Variants in FANCM observed in about 807,000 individuals in gnomAD.
FANCM encodes the protein Fanconi anemia group M protein.
Under a neutral mutation model 199.5 loss-of-function variants are expected in FANCM, and 140 were observed. That is an observed-to-expected ratio of 0.70 (90% CI 0.61 to 0.81). The LOEUF (loss-of-function observed/expected upper bound fraction) is 0.81, where lower values mean the gene tolerates loss of function less well. FANCM is among the 30% of genes least tolerant of loss of function. The pLI is 0.00. For synonymous variants in FANCM, 840 were observed against 836.8 expected, an observed-to-expected ratio of 1.00 and a Z score of -0.07; for missense variants, 2,410 against 2,421.4, an observed-to-expected ratio of 1.00 and a Z score of 0.10.
At chr14:45,195,585 G>C (rs907191142) in intron 20 of FANCM, 5 of 455,904 alleles carry the variant, frequency 1.1e-5, no homozygotes, top group Non-Finnish European at 2.2e-5. Context: ...AGGAAAGCTG[G>C]GTATGTTCTG....
In FANCM at chr14:45,137,212, A is replaced by G. The variant is rs1203588583; in HGVS notation, c.652A>G (p.Lys218Glu). ...GTGTTTAGTTATTGATGAAGCTCAT[A>G]AAGCTCTCGGAAACTATGCTTATTG... ...IKCLVIDEAH[K>E]ALGNYAYCQV... The change falls in exon 2 of 23, where the codon AAA becomes GAA. Residue 218 changes from lysine to glutamate, a missense_variant. Transcript: ENST00000267430. 3.7e-6 allele frequency: 6 copies of G among 1,613,154 alleles called. No individual in the cohort carries two copies. The African/African-American group carries it at 6.7e-5, about 18-fold the overall frequency.
intron 1 of FANCM, among the ~76,000 whole-genome samples, 158 bp downstream of exon 1, chr14:45,136,697 A>G (rs545276101): frequency 8.5e-5 from 13 of 152,316 alleles, no homozygotes; most frequent in Admixed American, 2.6e-4. Flanking sequence ...GCTTTATTCA[A>G]TCTTCAGAGA....
intron 7 of FANCM, 27 bp downstream of exon 7, chr14:45,154,849 ATTGTG>A (rs1887069853): frequency 1.3e-6 from 2 of 1,594,870 alleles, no homozygotes; most frequent in Admixed American, 1.7e-5. Context: ...AAAATTATGT[ATTGTG>A]TTGTGTTTCT....
chr14:45,141,309 GAAAGCAA>G (rs1463054615), intron 3 of FANCM, among the ~76,000 whole-genome samples: 6 of 135,504 alleles, frequency 4.4e-5, no homozygotes, highest in African/African-American at 1.1e-4. Context: ...AAAAAAAAAA[GAAAGCAA>G]AAAACAAAAA....
intron 14 of FANCM, among the ~76,000 whole-genome samples, chr14:45,180,556 C>G (rs1889003595): frequency 6.6e-6 from 1 of 152,038 alleles, no homozygotes; most frequent in Admixed American, 6.6e-5. Context: ...AAGCAATCCT[C>G]CTGCCTCAGC....
intron 3 of FANCM, among the ~76,000 whole-genome samples, chr14:45,147,264 C>G (rs146854838): frequency 9.9e-5 from 15 of 152,192 alleles, no homozygotes; most frequent in Admixed American, 3.3e-4. Flanking sequence ...CCCCGCCCCC[C>G]CCAAAACCAA....
rs1280753248 is a variant in FANCM, at chr14:45,196,415, G to A, written c.5584G>A (p.Val1862Met). The A allele has an allele frequency of 2.5e-6, 4 of 1,614,154 alleles. No homozygotes were observed. Among genetic ancestry groups the A allele is most frequent in the East Asian group, 2.2e-5 (1 of 44,870 alleles). ...GCDYIVSNRM[V>M]VERRSQSEML... is the part of the protein sequence containing the mutation. ...TGATTACATCGTGAGTAATCGCATGGTGGTGGAAAGGAGGTCTCAATCTGA... is the reference window on the plus strand; with the variant it reads ...TGATTACATCGTGAGTAATCGCATGATGGTGGAAAGGAGGTCTCAATCTGA... The change falls in exon 21 of 23, where the codon GTG becomes ATG. Residue 1862 changes from valine (V) to methionine (M), a missense_variant. Physicochemically the swap from Val to Met is conservative, Grantham distance 21. Coordinates refer to ENST00000267430, the MANE Select transcript of FANCM (RefSeq NM_020937.4).
In FANCM at chr14:45,151,446, G is replaced by T; in HGVS notation, c.968G>T (p.Arg323Ile). 6.2e-7 allele frequency: 1 copy of T among 1,613,048 alleles called. No individual in the cohort carries two copies. The highest frequency in any genetic ancestry group is 8.5e-7 in the Non-Finnish European group (1 of 1,179,096). The change falls in exon 5 of 23, where the codon AGA (arginine) becomes ATA (isoleucine). Residue 323 changes from arginine (R) to isoleucine (I), a missense_variant. Physicochemically the swap from Arg to Ile is moderately conservative, Grantham distance 97. Coordinates refer to ENST00000267430, the MANE Select transcript of FANCM (RefSeq NM_020937.4). ...TTGATTCAGAGGAATGTTTTGATGA[G>T]AAGGGATATCCCAAATCTAACAAAA... ...RSLIQRNVLM[R>I]RDIPNLTKYQ...
rs768041388 is a variant in FANCM at position 45,154,699 on chromosome 14, A to C, written c.1186A>C (p.Met396Leu). 6.3e-7 allele frequency: 1 copy of C among 1,586,792 alleles called. No homozygotes were observed. Among genetic ancestry groups the C allele is most frequent in the African/African-American group, 1.3e-5 (1 of 74,606 alleles). ...AAACCTTTTCTTAATTTCTGAAGGG[A>C]TGACACGGTCAAAAAATGAACTTGG... ...LCGIMDGTKG[M>L]TRSKNELGRN... The change falls in exon 7 of 23, where the codon ATG becomes CTG. Residue 396 changes from methionine to leucine, a missense_variant and splice_region_variant. Met to Leu is a conservative substitution (Grantham distance 15). Coordinates refer to ENST00000267430, the MANE Select transcript of FANCM (RefSeq NM_020937.4).
chr14:45,185,753 A>G (rs1261007932), intron 18 of FANCM, among the ~76,000 whole-genome samples: 1 of 152,192 alleles, frequency 6.6e-6, no homozygotes. Context: ...AGAGACAGAC[A>G]ATATATATAC....
intron 21 of FANCM, 178 bp from the exon 22 acceptor site, chr14:45,198,466 C>T (rs1384721316): frequency 4.1e-6 from 2 of 484,010 alleles, no homozygotes; most frequent in Non-Finnish European, 7.3e-6. Context: ...TCATAGTTAC[C>T]CCTATTTTCT....
At chr14:45,155,089 A>G (rs558614676) in intron 7 of FANCM, among the ~76,000 whole-genome samples, 1 of 152,210 alleles carries the variant, frequency 6.6e-6, no homozygotes, top group Non-Finnish European at 1.5e-5. Flanking sequence ...GGTAGTAAAA[A>G]TTCTCAGAAC....
In FANCM at chr14:45,136,057, T is replaced by G. The variant is rs1248796174; in HGVS notation, c.26T>G (p.Phe9Cys). The G allele has an allele frequency of 6.2e-7, 1 of 1,613,740 alleles. No individual in the cohort carries two copies. The highest frequency in any genetic ancestry group is 1.3e-5 in the African/African-American group (1 of 75,064). MSGRQRTL[F>C]QTWGSSISRS... ...ATGAGCGGACGGCAAAGAACGCTTT[T>G]TCAGACGTGGGGCTCAAGTATCTCC... Residue 9 changes from phenylalanine to cysteine, a missense_variant, in exon 1 of 23, where the codon TTT becomes TGT. Phe to Cys is a radical substitution (Grantham distance 205, BLOSUM62 -2). Transcript: ENST00000267430.
In FANCM at chr14:45,176,459, A is replaced by T. The variant is rs755896402; in HGVS notation, c.3705A>T (p.Gly1235=). 3 of 1,612,996 alleles carry T rather than the reference A, an allele frequency of 1.9e-6. No individual in the cohort carries two copies. Among genetic ancestry groups the T allele is most frequent in the Non-Finnish European group, 2.5e-6 (3 of 1,179,662 alleles). ...TATTTTCTGTTACCTTTGATTTAGGATTCTGTAGTCCAGATTCTGATGATG... is the reference window on the plus strand; with the variant it reads ...TATTTTCTGTTACCTTTGATTTAGGTTTCTGTAGTCCAGATTCTGATGATG... ...RDLFSVTFDL[G]FCSPDSDDEI... The change falls in exon 14 of 23, where the codon GGA becomes GGT. Residue 1235 remains glycine, a synonymous_variant. Transcript: ENST00000267430.
In FANCM at chr14:45,189,312, A is replaced by C. The variant is rs776417170; in HGVS notation, c.5290A>C (p.Thr1764Pro). ...AGTCCAGTCTACCACACCACCCTTC[A>C]CTACTGTTGATTCACAGAAAGACTG... ...NEVQSTTPPF[T>P]TVDSQKDCRK... Residue 1764 changes from threonine to proline, a missense_variant, in exon 20 of 23, where the codon ACT (threonine) becomes CCT (proline). Coordinates refer to ENST00000267430, the MANE Select transcript of FANCM (RefSeq NM_020937.4). 1 of 1,613,978 alleles carries C rather than the reference A, an allele frequency of 6.2e-7. No homozygotes were observed. The highest frequency in any genetic ancestry group is 1.1e-5 in the South Asian group (1 of 91,078).
chr14:45,179,992 A>G (rs192941877), intron 14 of FANCM, among the ~76,000 whole-genome samples: 203 of 152,122 alleles, frequency 1.3e-3, no homozygotes, highest in Non-Finnish European at 2.3e-3. Flanking sequence ...CCTTCCTACA[A>G]TTTCTTTGAG....
At chr14:45,185,954 A>C (rs1431061643) in intron 18 of FANCM, among the ~76,000 whole-genome samples, 2 of 152,160 alleles carry the variant, frequency 1.3e-5, no homozygotes, top group Non-Finnish European at 2.9e-5. Flanking sequence ...AGTAGGGTGC[A>C]GTGGCGCAGT....
chr14:45,184,955 TG>T (rs1457639463), intron 17 of FANCM, among the ~76,000 whole-genome samples: 70 of 149,474 alleles, frequency 4.7e-4, no homozygotes, highest in African/African-American at 1.6e-3. Flanking sequence ...TTTTTTTTTT[TG>T]TATTTTGTAA....
chr14:45,161,582 C>T (rs1887610855), intron 9 of FANCM, among the ~76,000 whole-genome samples: 2 of 152,080 alleles, frequency 1.3e-5, no homozygotes, highest in African/African-American at 2.4e-5. Flanking sequence ...AGTTCGAGAC[C>T]AACTAGGGCA....
Sources: gnomAD v4.1 joint callset for allele counts (sites outside exome capture counted in the v4.1 genomes callset) on GRCh38, gnomAD v4.1.1 for gene constraint, MANE v1.5 for transcripts, NCBI Gene and HGNC (gene_info 2026-07-23, HGNC 2026-07-21) for gene names.